TSEN2: variants seen among roughly 807,000 people sequenced by gnomAD.
TSEN2 encodes tRNA-splicing endonuclease subunit Sen2.
A neutral mutation model predicts 59.2 loss-of-function variants in TSEN2; 54 were observed. That is an observed-to-expected ratio of 0.91 (90% CI 0.73 to 1.14). The LOEUF (loss-of-function observed/expected upper bound fraction) is 1.14. TSEN2 is among the 50% of genes most tolerant of loss of function. The pLI is 0.00. For synonymous variants in TSEN2, 195 were observed against 198.2 expected, an observed-to-expected ratio of 0.98 and a Z score of 0.14; for missense variants, 636 against 576.2, an observed-to-expected ratio of 1.10 and a Z score of -1.06.
At chr3:12,508,967 C>T (rs2055132374) in intron 6 of TSEN2, among the ~76,000 whole-genome samples, 1 of 152,144 alleles carries the variant, frequency 6.6e-6, no homozygotes, top group South Asian at 2.1e-4. Flanking sequence ...CTCAAGGTAT[C>T]CCACCACCTT....
Position 12,532,807 on chromosome 3 carries a change from A to C in TSEN2, c.*86A>C. 1 of 1,342,182 alleles carries C rather than the reference A, an allele frequency of 7.5e-7. No individual in the cohort carries two copies. The highest frequency in any genetic ancestry group is 1.1e-6 in the Non-Finnish European group (1 of 938,760). The allele number at this position is 1,342,182 out of a possible 1,614,324, so 83.1% of individuals were successfully genotyped here. A position where few individuals can be genotyped will look rare whatever the true frequency, so the allele number is the denominator to read the frequency against. ...TTCTTTTTGTTGTAATCGTCCATTA[A>C]TTCATAAGTTTTAAAGGGCATGGTG... is the stretch of plus-strand genomic sequence containing the variant. On this transcript the variant is annotated 3_prime_UTR_variant, in exon 12 of 12. Transcript: ENST00000284995.
At position 12,529,871 on chromosome 3, in the gene TSEN2, A is replaced by G; in HGVS notation, c.1246A>G (p.Lys416Glu). 6.2e-7 allele frequency: 1 copy of G among 1,613,850 alleles called. No homozygotes were observed. Among genetic ancestry groups the G allele is most frequent in the Non-Finnish European group, 8.5e-7 (1 of 1,179,986 alleles). Residue 416 changes from lysine to glutamate, a missense_variant and splice_region_variant, in exon 10 of 12, where the codon AAG becomes GAG. By Grantham distance (56) the Lys-to-Glu change is moderately conservative. Transcript: ENST00000284995. ...GAGCAGAGTTTCCGTTAATGTCTCT[A>G]AGGTAACACAACATCAGCTTTGCCA... ...ALSRVSVNVS[K>E]ELMLCYLIKP...
At chr3:12,523,080 A>C (rs1420025765) in intron 8 of TSEN2, among the ~76,000 whole-genome samples, 2 of 152,196 alleles carry the variant, frequency 1.3e-5, no homozygotes. Flanking sequence ...CAGCTCGTTA[A>C]GTACACAGAT....
chr3:12,530,169 G>A (rs2057373269), intron 10 of TSEN2: 1 of 1,248,796 alleles, frequency 8.0e-7, no homozygotes, highest in Non-Finnish European at 1.0e-6. Context: ...TCTCTTCCCA[G>A]GGGTATCGTT....
At chr3:12,510,010 C>G (rs1347240523) in intron 6 of TSEN2, among the ~76,000 whole-genome samples, 1 of 152,190 alleles carries the variant, frequency 6.6e-6, no homozygotes, top group Non-Finnish European at 1.5e-5. Context: ...TCCTTCTCCC[C>G]AAGGAGGTAT....
At position 12,532,917 on chromosome 3, in the gene TSEN2, C is replaced by T. The variant is rs1477559438; in HGVS notation, c.*196C>T. 8.0e-6 allele frequency: 5 copies of T among 627,812 alleles called. No individual in the cohort carries two copies. In the East Asian group the frequency reaches 1.1e-4, roughly 14 times the overall value. 38.9% of individuals were successfully genotyped at this position (627,812 alleles called of 1,614,324 possible). ...GATCCCTGTGCTAGGACTGCAGATT[C>T]TATACTTGCGTTGGCCTCTAACTCT... On this transcript the variant is annotated 3_prime_UTR_variant, in exon 12 of 12. Coordinates refer to ENST00000284995, the MANE Select transcript of TSEN2 (RefSeq NM_025265.4).
At chr3:12,497,796 CT>C (rs2053905862) in intron 4 of TSEN2, among the ~76,000 whole-genome samples, 1 of 152,188 alleles carries the variant, frequency 6.6e-6, no homozygotes, top group African/African-American at 2.4e-5. Flanking sequence ...TTTCCTAGGG[CT>C]GCCATAACAA....
At chr3:12,506,728 C>T (rs748731064) in intron 6 of TSEN2, 57 of 985,228 alleles carry the variant, frequency 5.8e-5, no homozygotes, top group Non-Finnish European at 6.7e-5. Context: ...AATGTCTTTT[C>T]TGCCTTTGAA....
intron 6 of TSEN2, chr3:12,514,692 T>C (rs566629480): frequency 2.0e-5 from 3 of 152,276 alleles, no homozygotes; most frequent in East Asian, 1.9e-4. Flanking sequence ...TTAACACATT[T>C]AAAAATAATA....
At position 12,503,667 on chromosome 3, in the gene TSEN2, C is replaced by T. The variant is rs370187161; in HGVS notation, c.714C>T (p.Asp238=). 8.8e-5 allele frequency: 141 copies of T among 1,606,484 alleles called. No individual in the cohort carries two copies. Among genetic ancestry groups the T allele is most frequent in the Non-Finnish European group, 1.1e-4 (125 of 1,176,348 alleles). Residue 238 remains aspartate, a synonymous_variant, in exon 5 of 12, where the codon GAC becomes GAT. Coordinates refer to ENST00000284995, the MANE Select transcript of TSEN2 (RefSeq NM_025265.4). The part of the protein sequence containing the change: ...LILQRGLHHE[D]GSQHIGLLHP... ...TCCAGCGTGGCCTTCATCATGAAGA[C>T]GGCAGCCAGCACATCGGCCTCCTGC...
Position 12,528,929 on chromosome 3 carries a change from G to C in TSEN2, c.1136+5G>C, listed in dbSNP as rs752031887. On this transcript the variant is annotated splice_donor_5th_base_variant and intron_variant, in intron 9 of 11. Coordinates refer to ENST00000284995, the MANE Select transcript of TSEN2 (RefSeq NM_025265.4). ...CCCTCCATTTTACCATGCAAGGTTC[G>C]GAGTGATTTTTAAATAAACTAATGG... 1 of 1,613,864 alleles carries C rather than the reference G, an allele frequency of 6.2e-7. No homozygotes were observed. The highest frequency in any genetic ancestry group is 8.5e-7 in the Non-Finnish European group (1 of 1,179,968).
Position 12,489,828 on chromosome 3 carries a change from A to G in TSEN2, c.28A>G (p.Lys10Glu). The G allele has an allele frequency of 6.2e-7, 1 of 1,613,858 alleles. No homozygotes were observed. The highest frequency in any genetic ancestry group is 8.5e-7 in the Non-Finnish European group (1 of 1,180,022). MAEAVFHAP[K>E]RKRRVYETYE... ...GGCAGAAGCAGTTTTCCATGCCCCA[A>G]AGAGGAAAAGAAGAGTGTATGAGAC... is the stretch of plus-strand genomic sequence containing the variant. Residue 10 changes from lysine to glutamate, a missense_variant, in exon 2 of 12, where the codon AAG becomes GAG. Coordinates refer to ENST00000284995, the MANE Select transcript of TSEN2 (RefSeq NM_025265.4).
In TSEN2 at chr3:12,533,079, G is replaced by A. The variant is rs1306820389; in HGVS notation, c.*358G>A. On this transcript the variant is annotated 3_prime_UTR_variant, in exon 12 of 12. Coordinates refer to ENST00000284995, the MANE Select transcript of TSEN2 (RefSeq NM_025265.4). Reference sequence around the variant, plus strand: ...CTGATTTTACCTGAAAATGGTAGTAGTTTACATTTATACAGTACAGTTTAT... The same window carrying A: ...CTGATTTTACCTGAAAATGGTAGTAATTTACATTTATACAGTACAGTTTAT... 1 of 369,872 alleles carries A rather than the reference G, an allele frequency of 2.7e-6. No homozygotes were observed. The highest frequency in any genetic ancestry group is 2.1e-5 in the African/African-American group (1 of 48,210). 22.9% of individuals were successfully genotyped at this position (369,872 alleles called of 1,614,324 possible).
chr3:12,530,620 A>G lies in TSEN2; in HGVS notation c.1248+747A>G. The G allele has an allele frequency of 3.0e-6, 3 of 985,418 alleles. No individual in the cohort carries two copies. In the South Asian group the frequency reaches 1.4e-4, roughly 46 times the overall value. 61.0% of individuals were successfully genotyped at this position (985,418 alleles called of 1,614,324 possible). On this transcript the variant is annotated intron_variant, in intron 10 of 11. Coordinates refer to ENST00000284995, the MANE Select transcript of TSEN2 (RefSeq NM_025265.4). ...GGAGGTGAGGTGGGGCTGAGGCCAGAGGGTCTTGCAGGGCTAGAGATGACT... is the reference window on the plus strand; with the variant it reads ...GGAGGTGAGGTGGGGCTGAGGCCAGGGGGTCTTGCAGGGCTAGAGATGACT...
chr3:12,511,607 C>A (rs920988165), intron 6 of TSEN2, among the ~76,000 whole-genome samples: 2 of 148,544 alleles, frequency 1.3e-5, no homozygotes, highest in African/African-American at 2.5e-5. Context: ...CTCTCTGTCA[C>A]CTAAGCTGCA....
At chr3:12,501,404 C>CAGGT (rs1559299387) in intron 4 of TSEN2, among the ~76,000 whole-genome samples, 3 of 152,122 alleles carry the variant, frequency 2.0e-5, no homozygotes, top group African/African-American at 7.2e-5. Flanking sequence ...GTAGCCTTAC[C>CAGGT]AGGTGTTAAT....
chr3:12,502,677 GTTTTTTTTTTTGT>G (rs939355473), intron 4 of TSEN2, among the ~76,000 whole-genome samples: 5 of 105,484 alleles, frequency 4.7e-5, no homozygotes, highest in African/African-American at 1.8e-4. Context: ...AGTTTTTTTT[GTTTTTTTTTTTGT>G]TTTTTTTTTT....
At chr3:12,525,035 T>C (rs2056969531) in intron 8 of TSEN2, among the ~76,000 whole-genome samples, 1 of 152,138 alleles carries the variant, frequency 6.6e-6, no homozygotes, top group Admixed American at 6.5e-5. Flanking sequence ...TGAGCCACCG[T>C]GCCTGGCCTC....
chr3:12,536,324 G>C (rs1288434862), downstream of TSEN2, among the ~76,000 whole-genome samples: 1 of 152,172 alleles, frequency 6.6e-6, no homozygotes, highest in Non-Finnish European at 1.5e-5. Flanking sequence ...GCATGCTGTA[G>C]AGGCTTTGGA....
Sources: gnomAD v4.1 joint callset for allele counts (sites outside exome capture counted in the v4.1 genomes callset) on GRCh38, gnomAD v4.1.1 for gene constraint, MANE v1.5 for transcripts, NCBI Gene and HGNC (gene_info 2026-07-23, HGNC 2026-07-21) for gene names.